Variants in LEF1 observed in about 807,000 individuals in gnomAD.
LEF1 encodes the protein lymphoid enhancer binding factor 1.
In LEF1, 14 loss-of-function variants were observed where a neutral mutation model predicts 51.2. The ratio of observed to expected loss-of-function variants is 0.27; its 90% CI spans 0.18 to 0.43. The LOEUF (loss-of-function observed/expected upper bound fraction) is 0.43. LEF1 is among the 20% of genes least tolerant of loss of function. The pLI is 1.00. For synonymous variants in LEF1, 185 were observed against 183.2 expected, an observed-to-expected ratio of 1.01 and a Z score of -0.08; for missense variants, 386 against 512.0, an observed-to-expected ratio of 0.75 and a Z score of 2.37.
intron 4 of LEF1, among the ~76,000 whole-genome samples, chr4:108,086,823 CACACTT>C (rs1359650533): frequency 8.5e-6 from 1 of 117,524 alleles, no homozygotes; most frequent in Non-Finnish European, 1.8e-5. Flanking sequence ...CTTACACACA[CACACTT>C]ACACACACAC....
intron 3 of LEF1, among the ~76,000 whole-genome samples, chr4:108,135,614 CA>C (rs1743213751): frequency 6.6e-6 from 1 of 152,140 alleles, no homozygotes; most frequent in Non-Finnish European, 1.5e-5. Context: ...CCGGCAAGAA[CA>C]GGGGCCTCTA....
intron 3 of LEF1, among the ~76,000 whole-genome samples, chr4:108,089,571 C>G (rs1383480452): frequency 6.6e-6 from 1 of 152,146 alleles, no homozygotes; most frequent in Non-Finnish European, 1.5e-5. Flanking sequence ...TTTATACTCT[C>G]TTTTAGATTA....
chr4:108,064,234 G>A lies in LEF1; in HGVS notation c.1165+102C>T, dbSNP rs1323379150. On this transcript the variant is annotated intron_variant, in intron 10 of 11. Transcript: ENST00000265165. ...AAAAAGCAGAGTTAAAGCATCATAA[G>A]TTACAGTCACAGAAGAAAGCAGTGT... The A allele has an allele frequency of 6.9e-6, 5 of 727,120 alleles. No homozygotes were observed. In the African/African-American group the frequency reaches 9.1e-5, roughly 13 times the overall value. The allele number at this position is 727,120 out of a possible 1,614,324, so 45.0% of individuals were successfully genotyped here.
At chr4:108,118,328 A>G (rs1741961262) in intron 3 of LEF1, among the ~76,000 whole-genome samples, 1 of 152,258 alleles carries the variant, frequency 6.6e-6, no homozygotes, top group South Asian at 2.1e-4. Flanking sequence ...TGCATTTGCT[A>G]AACAGTGACA....
chr4:108,079,741 A>AT, intron 6 of LEF1, 127 bp from the exon 7 acceptor site: 3 of 857,142 alleles, frequency 3.5e-6, no homozygotes, highest in Non-Finnish European at 5.4e-6. Context: ...GCACAGAAGC[A>AT]TTAACTATAA....
chr4:108,106,303 G>C (rs1371187014), intron 3 of LEF1, among the ~76,000 whole-genome samples: 1 of 152,150 alleles, frequency 6.6e-6, no homozygotes, highest in Admixed American at 6.5e-5. Flanking sequence ...CACCTATAAT[G>C]TGTAATGTTA....
intron 3 of LEF1, among the ~76,000 whole-genome samples, chr4:108,140,305 A>G (rs979429800): frequency 6.6e-6 from 1 of 152,174 alleles, no homozygotes. Context: ...AAACTTTTTG[A>G]TAAGATAAAA....
At chr4:108,052,513 A>G (rs1189338595) in intron 11 of LEF1, among the ~76,000 whole-genome samples, 6 of 152,280 alleles carry the variant, frequency 3.9e-5, no homozygotes, top group African/African-American at 1.2e-4. Flanking sequence ...AATTGTCTCC[A>G]TTTTTACACC....
At chr4:108,111,504 C>T (rs1429865713) in intron 3 of LEF1, among the ~76,000 whole-genome samples, 2 of 152,206 alleles carry the variant, frequency 1.3e-5, no homozygotes, top group African/African-American at 2.4e-5. Flanking sequence ...GATTCTTTAT[C>T]TTTTGTAGCC....
chr4:108,113,795 T>TA (rs1310549930), intron 3 of LEF1, among the ~76,000 whole-genome samples: 2 of 152,200 alleles, frequency 1.3e-5, no homozygotes, highest in Non-Finnish European at 2.9e-5. Context: ...ACTATGTGGC[T>TA]ATTTCTACTA....
Position 108,067,989 on chromosome 4 carries a change from C to T in LEF1, c.1116+2674G>A, listed in dbSNP as rs193057801. 6.6e-3 allele frequency among the ~76,000 whole-genome samples: 1,001 copies of T among 151,568 alleles called. 6 individuals carry two copies. The highest frequency in any genetic ancestry group is 0.01 in the Non-Finnish European group (684 of 67,896). On this transcript the variant is annotated intron_variant, in intron 9 of 11. Transcript: ENST00000265165. The stretch of plus-strand genomic sequence containing the variant: ...CAGCAGTCTTAAGAAGGCACCGGGC[C>T]GGGCGTGGTGGCTCACGCTTATAAT...
At chr4:108,155,662 T>G (rs1231065412) in intron 3 of LEF1, among the ~76,000 whole-genome samples, 2 of 152,178 alleles carry the variant, frequency 1.3e-5, no homozygotes, top group Non-Finnish European at 2.9e-5. Flanking sequence ...AAACAGCGCT[T>G]TTGCAGGCTT....
At chr4:108,132,648 C>T (rs1272296188) in intron 3 of LEF1, among the ~76,000 whole-genome samples, 1 of 95,522 alleles carries the variant, frequency 1.0e-5, no homozygotes, top group Non-Finnish European at 2.2e-5. Flanking sequence ...GGGATGAGAG[C>T]GAAAATCTGC....
chr4:108,155,551 G>A (rs1744636222), intron 3 of LEF1, among the ~76,000 whole-genome samples: 1 of 152,224 alleles, frequency 6.6e-6, no homozygotes, highest in Non-Finnish European at 1.5e-5. Flanking sequence ...AGTTTCCCGG[G>A]TAGAGTCAAG....
chr4:108,107,450 A>G (rs994336846), intron 3 of LEF1, among the ~76,000 whole-genome samples: 1 of 152,082 alleles, frequency 6.6e-6, no homozygotes, highest in African/African-American at 2.4e-5. Flanking sequence ...ATGCTTTCCA[A>G]AATTTTTATC....
chr4:108,060,896 A>G (rs1368516815), intron 11 of LEF1, among the ~76,000 whole-genome samples: 2 of 152,178 alleles, frequency 1.3e-5, no homozygotes, highest in Admixed American at 6.5e-5. Flanking sequence ...AATCATGACT[A>G]TAACAAGTCA....
intron 3 of LEF1, among the ~76,000 whole-genome samples, chr4:108,108,742 C>T (rs1052591692): frequency 3.3e-5 from 5 of 152,062 alleles, no homozygotes; most frequent in Middle Eastern, 3.2e-3. Context: ...ACATGCACTG[C>T]GTTAGGATTA....
intron 10 of LEF1, 57 bp downstream of exon 10, chr4:108,064,279 C>T (rs2126266852): frequency 8.1e-7 from 1 of 1,230,602 alleles, no homozygotes; most frequent in Non-Finnish European, 1.2e-6. Flanking sequence ...TGCAAACTGC[C>T]TTAAAAGGTG....
chr4:108,117,703 A>C (rs961822536), intron 3 of LEF1, among the ~76,000 whole-genome samples: 1 of 152,146 alleles, frequency 6.6e-6, no homozygotes, highest in East Asian at 1.9e-4. Flanking sequence ...GGCCAGAGAG[A>C]AGCTTTGCGG....
Sources: allele counts gnomAD v4.1 joint callset (sites outside exome capture counted in the v4.1 genomes callset), GRCh38; gene constraint gnomAD v4.1.1; transcripts MANE v1.5; gene names NCBI Gene and HGNC (gene_info 2026-07-23, HGNC 2026-07-21).